MELK: variants seen among roughly 807,000 people sequenced by gnomAD.
MELK encodes the protein pEg3 kinase.
Under a neutral mutation model 85.0 loss-of-function variants are expected in MELK, and 81 were observed. The ratio of observed to expected loss-of-function variants is 0.95; its 90% CI spans 0.80 to 1.15. The LOEUF (loss-of-function observed/expected upper bound fraction) is 1.15. Ranked by LOEUF, MELK falls within the 50% of genes most tolerant of loss-of-function variation. The probability of loss-of-function intolerance (pLI) is 0.00; values close to 1 mark genes in which losing one functional copy is unlikely to be tolerated. For synonymous variants in MELK, 252 were observed against 265.0 expected, an observed-to-expected ratio of 0.95 and a Z score of 0.48; for missense variants, 754 against 777.5, an observed-to-expected ratio of 0.97 and a Z score of 0.36.
intron 7 of MELK, among the ~76,000 whole-genome samples, chr9:36,600,839 A>G (rs1437317613): frequency 6.6e-6 from 1 of 152,218 alleles, no homozygotes; most frequent in African/African-American, 2.4e-5. Context: ...TGGGAATACC[A>G]GGTTACTTCA....
At chr9:36,633,562 C>T (rs1382483514) in intron 10 of MELK, among the ~76,000 whole-genome samples, 1 of 152,076 alleles carries the variant, frequency 6.6e-6, no homozygotes, top group Non-Finnish European at 1.5e-5. Flanking sequence ...GTTCTACTTC[C>T]CAGAGAAGTT....
At chr9:36,627,359 G>A (rs1036805865) in intron 8 of MELK, among the ~76,000 whole-genome samples, 3 of 152,024 alleles carry the variant, frequency 2.0e-5, no homozygotes, top group Non-Finnish European at 2.9e-5. Context: ...AAAAGAAAGG[G>A]TCAAAAATCA....
At chr9:36,623,021 C>G (rs1324163697) in intron 8 of MELK, among the ~76,000 whole-genome samples, 2 of 152,062 alleles carry the variant, frequency 1.3e-5, no homozygotes, top group African/African-American at 4.8e-5. Flanking sequence ...ATTTTTTGCT[C>G]TGTAACAGTG....
chr9:36,573,007 GGT>G lies in MELK; in HGVS notation c.-39+1_-39+2del. The G allele has an allele frequency of 6.6e-6, 1 of 152,634 alleles. No homozygotes were observed. The highest frequency in any genetic ancestry group is 2.4e-5 in the African/African-American group (1 of 41,554). The allele number at this position is 152,634 out of a possible 1,614,324, so 9.5% of individuals were successfully genotyped here. A position where few individuals can be genotyped will look rare whatever the true frequency, so the allele number is the denominator to read the frequency against. On this transcript the variant is annotated splice_donor_variant, in intron 1 of 17. Transcript: ENST00000298048. LOFTEE classifies it low-confidence loss of function (5UTR_SPLICE). ...GCTCAGCCGTGCCCTCCGCCCCTCA[GGT>G]CAGTTCTCCCGCCTGCCCGCCGCAG...
At chr9:36,590,443 C>T (rs1280341936) in intron 4 of MELK, among the ~76,000 whole-genome samples, 1 of 152,108 alleles carries the variant, frequency 6.6e-6, no homozygotes, top group African/African-American at 2.4e-5. Flanking sequence ...CCTTGGCACT[C>T]CTTGGTTTAT....
At chr9:36,629,111 T>G (rs866843825) in intron 8 of MELK, among the ~76,000 whole-genome samples, 1 of 152,082 alleles carries the variant, frequency 6.6e-6, no homozygotes, top group Admixed American at 6.5e-5. Context: ...GTGATCCACC[T>G]GCCTTGGCCT....
At chr9:36,647,100 C>A (rs1208421497) in intron 11 of MELK, among the ~76,000 whole-genome samples, 1 of 152,188 alleles carries the variant, frequency 6.6e-6, no homozygotes, top group Non-Finnish European at 1.5e-5. Context: ...TATACAGTGA[C>A]ACTGGCCAGA....
At chr9:36,588,766 ATCTTCCTCTCCCCACCC>A (rs1284661758) in intron 3 of MELK, among the ~76,000 whole-genome samples, 5 of 152,246 alleles carry the variant, frequency 3.3e-5, no homozygotes, top group African/African-American at 4.8e-5. Context: ...AGCTTGGCTT[ATCTTCCTCTCCCCACCC>A]AACTTTTTAT....
rs112817613 is a variant in MELK, at chr9:36,594,864, T to C, written c.405+93T>C. The C allele has an allele frequency of 8.9e-3, 12,612 of 1,421,810 alleles. 67 individuals are homozygous for C. Among genetic ancestry groups the C allele is most frequent in the Non-Finnish European group, 0.01 (11,076 of 1,064,614 alleles). The allele number at this position is 1,421,810 out of a possible 1,614,324, so 88.1% of individuals were successfully genotyped here. On this transcript the variant is annotated intron_variant, in intron 5 of 17. Coordinates refer to ENST00000298048, the MANE Select transcript of MELK (RefSeq NM_014791.4). ...AATGATCTGATTAGGAATCTATCTT[T>C]GGTTTGCTTTTTGTTGTTGTTGCTC...
At chr9:36,653,361 G>T (rs1324659633) in intron 12 of MELK, among the ~76,000 whole-genome samples, 1 of 152,112 alleles carries the variant, frequency 6.6e-6, no homozygotes, top group African/African-American at 2.4e-5. Flanking sequence ...GCCCAGGCTG[G>T]TCTTGAACAC....
In MELK at chr9:36,677,524, C is replaced by G. The variant is rs1481073359; in HGVS notation, c.*187C>G. On this transcript the variant is annotated 3_prime_UTR_variant, in exon 18 of 18. Coordinates refer to ENST00000298048, the MANE Select transcript of MELK (RefSeq NM_014791.4). ...TTTTGTGTATGAATCTAAATCAAGC[C>G]CATCTGTCATTATGTTACTGTCTTT... The G allele has an allele frequency of 6.3e-6, 3 of 475,400 alleles. No homozygotes were observed. Among genetic ancestry groups the G allele is most frequent in the African/African-American group, 4.0e-5 (2 of 50,560 alleles). The allele number at this position is 475,400 out of a possible 1,614,324, so 29.4% of individuals were successfully genotyped here.
intron 10 of MELK, among the ~76,000 whole-genome samples, chr9:36,634,670 A>G (rs538235531): frequency 1.3e-5 from 2 of 151,766 alleles, no homozygotes; most frequent in East Asian, 3.9e-4. Flanking sequence ...GCGCCACCGC[A>G]CTCCAGCCTT....
At chr9:36,632,120 G>A (rs1828696933) in intron 9 of MELK, among the ~76,000 whole-genome samples, 1 of 152,190 alleles carries the variant, frequency 6.6e-6, no homozygotes, top group South Asian at 2.1e-4. Flanking sequence ...CAGATTGCTG[G>A]CCTCCAGCCC....
chr9:36,627,086 A>G (rs1306623345), intron 8 of MELK, among the ~76,000 whole-genome samples: 1 of 151,612 alleles, frequency 6.6e-6, no homozygotes, highest in Admixed American at 6.6e-5. Context: ...ACACACACAC[A>G]CACGCCAACT....
At chr9:36,669,283 G>A (rs899292661) in intron 14 of MELK, 27 bp from the exon 15 acceptor site, 1 of 1,468,686 alleles carries the variant, frequency 6.8e-7, no homozygotes, top group South Asian at 1.2e-5. Context: ...TGCTGCATAT[G>A]GATTGTGTTT....
chr9:36,583,546 G>A (rs1429522288), intron 2 of MELK, 81 bp from the exon 3 acceptor site: 7 of 859,334 alleles, frequency 8.1e-6, no homozygotes, highest in African/African-American at 1.7e-5. Context: ...GCTTGATAGA[G>A]TCTTTTAAAA....
chr9:36,663,351 A>T (rs571645431), intron 13 of MELK, among the ~76,000 whole-genome samples: 15 of 152,174 alleles, frequency 9.9e-5, no homozygotes, highest in Non-Finnish European at 2.2e-4. Context: ...AAGTGCTGGG[A>T]TTACAGGTGT....
At chr9:36,596,281 G>A (rs1352855305) in intron 5 of MELK, among the ~76,000 whole-genome samples, 1 of 152,074 alleles carries the variant, frequency 6.6e-6, no homozygotes, top group Non-Finnish European at 1.5e-5. Flanking sequence ...TTATGGGGAA[G>A]TGATAGAGTG....
chr9:36,584,195 C>T (rs867109505), intron 3 of MELK, among the ~76,000 whole-genome samples: 58 of 149,872 alleles, frequency 3.9e-4, no homozygotes, highest in African/African-American at 1.4e-3. Context: ...TTAGTAGAGA[C>T]GGGGTTTCAT....
Sources: allele counts gnomAD v4.1 joint callset (sites outside exome capture counted in the v4.1 genomes callset), GRCh38; gene constraint gnomAD v4.1.1; transcripts MANE v1.5; gene names NCBI Gene and HGNC (gene_info 2026-07-23, HGNC 2026-07-21).